Variants in BST1 observed in about 807,000 individuals in gnomAD.
BST1 encodes bone marrow stromal cell antigen 1, also known as ADP-ribosyl cyclase/cyclic ADP-ribose hydrolase 2.
BST1 carries 49 observed loss-of-function variants against 40.6 expected under a neutral mutation model. That is an observed-to-expected ratio of 1.21 (90% confidence interval 0.96 to 1.53). The LOEUF (loss-of-function observed/expected upper bound fraction) is 1.53. Among genes scored for constraint, BST1 ranks in the 40% most tolerant of loss-of-function variants. BST1 has a pLI of 0.00. For missense variants in BST1, 423 were observed against 395.9 expected, an observed-to-expected ratio of 1.07 and a Z score of -0.58; for synonymous variants, 157 against 159.3, an observed-to-expected ratio of 0.99 and a Z score of 0.11.
At chr4:15,750,975 A>G in the BST1 span, among the ~76,000 whole-genome samples, 4 of 152,322 alleles carry the variant, frequency 2.6e-5, no homozygotes, top group East Asian at 7.7e-4. Context: ...GGAAATACAA[A>G]GGTGAATCCA....
chr4:15,718,983 A>G lies in BST1; in HGVS notation c.781A>G (p.Asn261Asp). 2 of 1,613,742 alleles carry G rather than the reference A, an allele frequency of 1.2e-6. No individual in the cohort carries two copies. Among genetic ancestry groups the G allele is most frequent in the Non-Finnish European group, 1.7e-6 (2 of 1,179,864 alleles). The change falls in exon 7 of 9, where the codon AAT becomes GAT. Residue 261 changes from asparagine (N) to aspartate (D), a missense_variant. Coordinates refer to ENST00000265016, the MANE Select transcript of BST1 (RefSeq NM_004334.3). ...KDMGFQYSCI[N>D]DYRPVKLLQC... The stretch of plus-strand genomic sequence containing the variant: ...CATGGGGTTCCAGTACAGCTGTATT[A>G]ATGATTACCGGTAGGTGGCCTATAT...
the BST1 span, among the ~76,000 whole-genome samples, chr4:15,761,493 C>A: frequency 6.6e-6 from 1 of 151,950 alleles, no homozygotes; most frequent in Non-Finnish European, 1.5e-5. Context: ...AAAGTAATTT[C>A]TTTATTGTTA....
At chr4:15,745,057 A>G in the BST1 span, among the ~76,000 whole-genome samples, 1 of 152,234 alleles carries the variant, frequency 6.6e-6, no homozygotes. Flanking sequence ...TATTAAAATT[A>G]TCTGCAACTT....
the BST1 span, among the ~76,000 whole-genome samples, chr4:15,762,622 A>T: frequency 6.6e-6 from 1 of 151,732 alleles, no homozygotes; most frequent in African/African-American, 2.4e-5. Flanking sequence ...GACAATCAGC[A>T]TTCTACTCTC....
downstream of BST1, among the ~76,000 whole-genome samples, chr4:15,739,078 C>A (rs547942954): frequency 1.3e-5 from 2 of 152,318 alleles, no homozygotes; most frequent in African/African-American, 4.8e-5. Flanking sequence ...TCTCAGGAGA[C>A]TTTTGGCACC....
intron 6 of BST1, among the ~76,000 whole-genome samples, chr4:15,716,686 C>T (rs180840813): frequency 1.3e-5 from 2 of 152,314 alleles, no homozygotes; most frequent in Admixed American, 1.3e-4. Flanking sequence ...TCTGCATTCC[C>T]CTTCTCAGAA....
chr4:15,713,560 T>A (rs949397644), intron 4 of BST1, among the ~76,000 whole-genome samples: 1 of 151,980 alleles, frequency 6.6e-6, no homozygotes, highest in Admixed American at 6.6e-5. Flanking sequence ...TAAAGTAAGG[T>A]ACAGAGAGGT....
chr4:15,731,883 C>A lies in BST1; in HGVS notation c.*38C>A. 6.3e-7 allele frequency: 1 copy of A among 1,592,272 alleles called. No homozygotes were observed. The highest frequency in any genetic ancestry group is 8.6e-7 in the Non-Finnish European group (1 of 1,168,526). On this transcript the variant is annotated 3_prime_UTR_variant, in exon 9 of 9. Coordinates refer to ENST00000265016, the MANE Select transcript of BST1 (RefSeq NM_004334.3). The stretch of plus-strand genomic sequence containing the variant: ...TTGCTCTAACCCTCCTCCAGCCCTG[C>A]AGCCTCCCCTTGCAGTCATCATTCG...
intron 4 of BST1, among the ~76,000 whole-genome samples, chr4:15,715,031 G>C (rs954272870): frequency 2.6e-5 from 4 of 152,182 alleles, no homozygotes; most frequent in African/African-American, 9.7e-5. Context: ...CAGCTGATAA[G>C]ATACTGTGTA....
chr4:15,729,373 C>T (rs1577595563), intron 8 of BST1, among the ~76,000 whole-genome samples: 1 of 152,126 alleles, frequency 6.6e-6, no homozygotes, highest in Non-Finnish European at 1.5e-5. Flanking sequence ...GGAGGATTCT[C>T]TAAACCCGGG....
At chr4:15,756,348 G>A in the BST1 span, among the ~76,000 whole-genome samples, 1 of 152,342 alleles carries the variant, frequency 6.6e-6, no homozygotes, top group East Asian at 1.9e-4. Flanking sequence ...GAAGCGCCCA[G>A]CTAGAGGAGA....
intron 1 of BST1, among the ~76,000 whole-genome samples, chr4:15,704,380 G>A (rs1391761246): frequency 6.9e-6 from 1 of 145,726 alleles, no homozygotes; most frequent in Non-Finnish European, 1.5e-5. Flanking sequence ...TGAGAGGTGT[G>A]TGTGTTCTAG....
chr4:15,767,485 A>T, the BST1 span, among the ~76,000 whole-genome samples: 2 of 151,916 alleles, frequency 1.3e-5, no homozygotes, highest in East Asian at 1.9e-4. Context: ...TTGTATTTTT[A>T]GTAGAGACAG....
chr4:15,757,275 G>T, the BST1 span, among the ~76,000 whole-genome samples: 81 of 152,276 alleles, frequency 5.3e-4, no homozygotes, highest in Middle Eastern at 3.4e-3. Flanking sequence ...AACGTGTGTA[G>T]TTAAACATAG....
intron 2 of BST1, among the ~76,000 whole-genome samples, chr4:15,706,462 T>C (rs1477066831): frequency 6.6e-6 from 1 of 152,236 alleles, no homozygotes; most frequent in African/African-American, 2.4e-5. Flanking sequence ...TTAGTACCAG[T>C]TTATTTAAGA....
At chr4:15,760,205 TCTTACA>T in the BST1 span, among the ~76,000 whole-genome samples, 1 of 152,006 alleles carries the variant, frequency 6.6e-6, no homozygotes, top group Non-Finnish European at 1.5e-5. Flanking sequence ...GTGACTAGCT[TCTTACA>T]CTTGGCATGT....
the BST1 span, among the ~76,000 whole-genome samples, chr4:15,751,318 C>T: frequency 1.2e-4 from 18 of 151,982 alleles, no homozygotes; most frequent in Non-Finnish European, 1.6e-4. Flanking sequence ...AAAAAAATCT[C>T]GGGGAACATT....
At chr4:15,740,832 C>T (rs1185109085), downstream of BST1, among the ~76,000 whole-genome samples, 1 of 152,022 alleles carries the variant, frequency 6.6e-6, no homozygotes, top group African/African-American at 2.4e-5. Flanking sequence ...CTACTGAATC[C>T]CTCAGATTTT....
chr4:15,734,099 A>G (rs1721479343), downstream of BST1, among the ~76,000 whole-genome samples: 1 of 152,208 alleles, frequency 6.6e-6, no homozygotes, highest in Non-Finnish European at 1.5e-5. Flanking sequence ...AAAGGCCACC[A>G]ACTGTATGAT....
Sources: gnomAD v4.1 joint callset for allele counts (sites outside exome capture counted in the v4.1 genomes callset) on GRCh38, gnomAD v4.1.1 for gene constraint, MANE v1.5 for transcripts, NCBI Gene and HGNC (gene_info 2026-07-23, HGNC 2026-07-21) for gene names.